The following ZNF184 variants were observed in gnomAD, a reference collection of about 807,000 sequenced individuals.
The protein encoded by ZNF184 is zinc finger protein 184 (Kruppel-like).
In ZNF184, 16 loss-of-function variants were observed where a neutral mutation model predicts 54.4. The observed-to-expected ratio is 0.29, with a 90% confidence interval of 0.20 to 0.45. ZNF184 has a LOEUF of 0.45. Among genes scored for constraint, ZNF184 ranks in the 20% least tolerant of loss-of-function variants. ZNF184 has a pLI of 1.00. For missense variants in ZNF184, 681 were observed against 888.2 expected (o/e 0.77, Z 2.97); for synonymous variants, 254 against 295.3 (o/e 0.86, Z 1.43).
chr6:27,462,468 G>A (rs1012113872), intron 3 of ZNF184, among the ~76,000 whole-genome samples: 1 of 151,172 alleles, frequency 6.6e-6, no homozygotes, highest in African/African-American at 2.4e-5. Flanking sequence ...AAAGTGCTGG[G>A]ATTACGGGTG....
the ZNF184 span, among the ~76,000 whole-genome samples, chr6:27,419,342 A>T: frequency 6.6e-6 from 1 of 152,244 alleles, no homozygotes; most frequent in Admixed American, 6.5e-5. The surrounding 1 kb of genome is among the most constrained non-coding windows in gnomAD (Gnocchi z 4.8). Flanking sequence ...TCCTGACCTC[A>T]AGTGATCCAC....
rs774066822 is a variant in ZNF184, at chr6:27,453,058, G to A, written c.501C>T (p.Thr167=). ...QQTLPKEIKV[T]EKTIPSWEKG... ...TTTCCCAACTGGGTATTGTCTTTTCGGTTACCTTTATTTCCTTTGGCAGTG... is the reference window on the plus strand; with the variant it reads ...TTTCCCAACTGGGTATTGTCTTTTCAGTTACCTTTATTTCCTTTGGCAGTG... Residue 167 remains threonine, a synonymous_variant, in exon 6 of 6, where the codon ACC becomes ACT. Transcript: ENST00000683788. The surrounding 1 kb of genome is among the most constrained non-coding windows in gnomAD (Gnocchi z 4.7). The A allele has an allele frequency of 3.2e-5, 52 of 1,613,782 alleles. 1 individual carries two copies. Among genetic ancestry groups the A allele is most frequent in the Middle Eastern group, 3.3e-4 (2 of 6,082 alleles).
At chr6:27,423,722 T>C in the ZNF184 span, among the ~76,000 whole-genome samples, 3 of 151,498 alleles carry the variant, frequency 2.0e-5, no homozygotes, top group African/African-American at 4.8e-5. Context: ...TAGATATTTA[T>C]ATATCTATAT....
At chr6:27,411,835 A>T in the ZNF184 span, among the ~76,000 whole-genome samples, 2 of 152,218 alleles carry the variant, frequency 1.3e-5, no homozygotes, top group African/African-American at 4.8e-5. Flanking sequence ...CAGCAGGTGG[A>T]GGAAGAGAAA....
chr6:27,415,144 A>G, the ZNF184 span, among the ~76,000 whole-genome samples: 723 of 152,318 alleles, frequency 4.7e-3, 7 homozygotes, highest in Admixed American at 0.012. Flanking sequence ...TGAGCTGGCT[A>G]TAACTCAGTG....
chr6:27,418,873 A>C, the ZNF184 span, among the ~76,000 whole-genome samples: 1 of 151,930 alleles, frequency 6.6e-6, no homozygotes. Context: ...AGTGTTTTCA[A>C]CTTTTAATTC....
At chr6:27,456,950 C>T (rs777746527) in intron 4 of ZNF184, 29 bp from the exon 5 acceptor site, 1 of 1,579,488 alleles carries the variant, frequency 6.3e-7, no homozygotes, top group African/African-American at 1.4e-5. Flanking sequence ...AAGAAAGAAA[C>T]CTGCAGTAAG....
At position 27,467,882 on chromosome 6, in the gene ZNF184, G is replaced by A; in HGVS notation, c.46C>T (p.His16Tyr). ...SPDSTLLQGG[H>Y]NLLSSASFQE... The stretch of plus-strand genomic sequence containing the variant: ...AAACTGGCTGATGAGAGTAGATTAT[G>A]TCCCCCTTGGAGAAGGGTGGAGTCT... Residue 16 changes from histidine (H) to tyrosine (Y), a missense_variant, in exon 3 of 6, where the codon CAT becomes TAT. His to Tyr is a moderately conservative substitution (Grantham distance 83, BLOSUM62 2). Transcript: ENST00000683788. The A allele has an allele frequency of 6.2e-7, 1 of 1,612,184 alleles. No homozygotes were observed. Among genetic ancestry groups the A allele is most frequent in the Non-Finnish European group, 8.5e-7 (1 of 1,179,202 alleles).
the ZNF184 span, among the ~76,000 whole-genome samples, chr6:27,438,611 C>T: frequency 6.6e-6 from 1 of 152,070 alleles, no homozygotes; most frequent in Non-Finnish European, 1.5e-5. Context: ...ATACTGCTTT[C>T]AGTAATTTTA....
Position 27,452,331 on chromosome 6 carries a change from T to C in ZNF184, c.1228A>G (p.Met410Val). 3.7e-6 allele frequency: 6 copies of C among 1,614,176 alleles called. No individual in the cohort carries two copies. The highest frequency in any genetic ancestry group is 1.1e-5 in the South Asian group (1 of 91,080). ...TACGGTTTTTCACCAGTATGAATCA[T>C]ATGATGACGGATAAAAGTTGAGGGC... ...NGPSTFIRHH[M>V]IHTGEKPYEC... Residue 410 changes from methionine (M) to valine (V), a missense_variant, in exon 6 of 6, where the codon ATG (methionine) becomes GTG (valine). Coordinates refer to ENST00000683788, the MANE Select transcript of ZNF184 (RefSeq NM_001318891.2). The surrounding 1 kb of genome is among the most constrained non-coding windows in gnomAD (Gnocchi z 5.5).
intron 3 of ZNF184, among the ~76,000 whole-genome samples, chr6:27,466,630 T>C (rs1242891888): frequency 2.0e-5 from 3 of 151,932 alleles, no homozygotes; most frequent in South Asian, 2.1e-4. Context: ...TATCAAATTA[T>C]ATATTTTTAA....
the ZNF184 span, among the ~76,000 whole-genome samples, chr6:27,437,357 T>G: frequency 2.6e-5 from 4 of 152,130 alleles, no homozygotes; most frequent in African/African-American, 9.7e-5. Flanking sequence ...GGAAAGGACC[T>G]GAAAGGGGCC....
At chr6:27,464,017 T>TG (rs1763064078) in intron 3 of ZNF184, among the ~76,000 whole-genome samples, 1 of 152,074 alleles carries the variant, frequency 6.6e-6, no homozygotes, top group Admixed American at 6.5e-5. Flanking sequence ...TAGAAAAGTG[T>TG]GGGGGCCTGT....
the ZNF184 span, among the ~76,000 whole-genome samples, chr6:27,411,247 G>T: frequency 6.6e-6 from 1 of 152,150 alleles, no homozygotes; most frequent in Non-Finnish European, 1.5e-5. Flanking sequence ...GGCCTTTTAT[G>T]AGGCACTAAC....
At chr6:27,432,418 A>G in the ZNF184 span, among the ~76,000 whole-genome samples, 1 of 152,214 alleles carries the variant, frequency 6.6e-6, no homozygotes, top group South Asian at 2.1e-4. This position sits in a 1 kb window ranked among gnomAD's most constrained non-coding sequence, Gnocchi z 4.0. Context: ...AAGGAACAGT[A>G]ATAAAGACTA....
At chr6:27,447,989 G>A (rs1561832954), downstream of ZNF184, among the ~76,000 whole-genome samples, 1 of 152,226 alleles carries the variant, frequency 6.6e-6, no homozygotes, top group Non-Finnish European at 1.5e-5. Flanking sequence ...TTTGAGGGGT[G>A]AAATAGCATT....
the ZNF184 span, among the ~76,000 whole-genome samples, chr6:27,439,897 T>C: frequency 6.6e-6 from 1 of 152,214 alleles, no homozygotes; most frequent in Non-Finnish European, 1.5e-5. Context: ...ACTAATCTTG[T>C]ATGAAAATTT....
the ZNF184 span, among the ~76,000 whole-genome samples, chr6:27,424,813 G>T: frequency 4.6e-5 from 7 of 151,928 alleles, no homozygotes; most frequent in African/African-American, 1.7e-4. Context: ...TGCCAGTCCC[G>T]CGCAGTGCGC....
intron 3 of ZNF184, among the ~76,000 whole-genome samples, chr6:27,465,169 A>AAAAAGAAAAG (rs756821117): frequency 6.7e-6 from 1 of 148,458 alleles, no homozygotes; most frequent in African/African-American, 2.5e-5. Flanking sequence ...TATTTAAAAA[A>AAAAAGAAAAG]AAAAGAAAAG....
Sources: gnomAD v4.1 joint callset for allele counts (sites outside exome capture counted in the v4.1 genomes callset) on GRCh38, gnomAD v4.1.1 for gene constraint, Gnocchi (gnomAD v3.1) non-coding constraint, MANE v1.5 for transcripts, NCBI Gene and HGNC (gene_info 2026-07-23, HGNC 2026-07-21) for gene names.